Variants in LRSAM1 observed in about 807,000 individuals in gnomAD.
LRSAM1 encodes leucine rich repeat and sterile alpha motif containing 1, also known as E3 ubiquitin-protein ligase LRSAM1.
Under a neutral mutation model 118.1 loss-of-function variants are expected in LRSAM1, and 96 were observed. That is an observed-to-expected ratio of 0.81 (90% confidence interval 0.69 to 0.96). LRSAM1 has a LOEUF of 0.96. LRSAM1 is among the 40% of genes least tolerant of loss of function. The pLI is 0.00. For synonymous variants in LRSAM1, 322 were observed against 364.2 expected, an observed-to-expected ratio of 0.88 and a Z score of 1.32; for missense variants, 804 against 915.5, an observed-to-expected ratio of 0.88 and a Z score of 1.57.
At position 127,473,895 on chromosome 9, in the gene LRSAM1, C is replaced by A; in HGVS notation, c.714C>A (p.Pro238=). The A allele has an allele frequency of 3.7e-6, 6 of 1,614,236 alleles. No individual in the cohort carries two copies. Among genetic ancestry groups the A allele is most frequent in the Non-Finnish European group, 5.1e-6 (6 of 1,180,048 alleles). ...IENSRDSPDG[P]TDRFSREELE... is the part of the protein sequence containing the mutation. ...ACTCTCGGGACAGCCCTGATGGGCC[C>A]ACGGACAGATTCTCAAGGGAGGAGT... The change falls in exon 11 of 26, where the codon CCC becomes CCA. Residue 238 remains proline (P), a synonymous_variant. Coordinates refer to ENST00000300417, the MANE Select transcript of LRSAM1 (RefSeq NM_001005373.4).
At chr9:127,462,082 T>C (rs1052564153) in intron 8 of LRSAM1, among the ~76,000 whole-genome samples, 170 bp from the exon 9 acceptor site, 5 of 152,190 alleles carry the variant, frequency 3.3e-5, no homozygotes, top group African/African-American at 9.6e-5. Context: ...TGGCTAGTAA[T>C]TGGTGGAGTG....
Position 127,501,090 on chromosome 9 carries a change from C to G in LRSAM1, c.1993C>G (p.Pro665Ala), listed in dbSNP as rs749204843. The change falls in exon 25 of 26, where the codon CCT becomes GCT. Residue 665 changes from proline to alanine, a missense_variant. Pro to Ala is a conservative substitution (Grantham distance 27, BLOSUM62 -1). Transcript: ENST00000300417. The stretch of plus-strand genomic sequence containing the variant: ...TGAGTCTGTGAGGCCATCCGCTCCC[C>G]CTGCAGAGCTGGAGGTGCAGGCCTC... Reference protein sequence around the residue: ...PPESVRPSAPPAELEVQASEC... With the variant: ...PPESVRPSAPAAELEVQASEC... 5.6e-6 allele frequency: 9 copies of G among 1,613,878 alleles called. No individual in the cohort carries two copies. The Admixed American group carries it at 1.3e-4, about 24-fold the overall frequency.
At chr9:127,474,792 G>A (rs1281869354) in intron 11 of LRSAM1, among the ~76,000 whole-genome samples, 1 of 152,114 alleles carries the variant, frequency 6.6e-6, no homozygotes, top group Admixed American at 6.6e-5. Flanking sequence ...AGGTCCTGGC[G>A]ACAAGCTAGC....
Position 127,479,396 on chromosome 9 carries a change from T to C in LRSAM1, c.794T>C (p.Leu265Pro). ...DYEKRKEQKM[L>P]EKLEFERRLE... ...TGTGTCTTGCAGGAACAGAAGATGC[T>C]GGAGAAACTCGAGTTTGAACGGCGC... Residue 265 changes from leucine to proline, a missense_variant, in exon 13 of 26, where the codon CTG becomes CCG. Physicochemically the swap from Leu to Pro is moderately conservative, Grantham distance 98. Coordinates refer to ENST00000300417, the MANE Select transcript of LRSAM1 (RefSeq NM_001005373.4). 1 of 1,614,174 alleles carries C rather than the reference T, an allele frequency of 6.2e-7. No homozygotes were observed. The highest frequency in any genetic ancestry group is 8.5e-7 in the Non-Finnish European group (1 of 1,180,018).
chr9:127,499,424 T>C (rs1836284404), intron 24 of LRSAM1, among the ~76,000 whole-genome samples: 1 of 150,490 alleles, frequency 6.6e-6, no homozygotes, highest in Non-Finnish European at 1.5e-5. Context: ...CCAGCTACTC[T>C]GGAGGCTGAG....
At chr9:127,478,128 T>A (rs138440517) in intron 11 of LRSAM1, among the ~76,000 whole-genome samples, 6 of 152,226 alleles carry the variant, frequency 3.9e-5, no homozygotes, top group Middle Eastern at 3.4e-3. Context: ...AATAATAAAT[T>A]AATTAATTAA....
chr9:127,495,623 T>C (rs1388913121), intron 22 of LRSAM1, among the ~76,000 whole-genome samples: 1 of 152,192 alleles, frequency 6.6e-6, no homozygotes, highest in Non-Finnish European at 1.5e-5. Context: ...CACTGGTCAC[T>C]GCTGTGCAGG....
chr9:127,458,460 A>C (rs1311640920), intron 6 of LRSAM1, among the ~76,000 whole-genome samples: 1 of 151,984 alleles, frequency 6.6e-6, no homozygotes, highest in African/African-American at 2.4e-5. Context: ...TGTGCTTGTA[A>C]TCCCAGCTAC....
chr9:127,495,383 C>T lies in LRSAM1; in HGVS notation c.1663C>T (p.Leu555Phe). 1 of 1,614,020 alleles carries T rather than the reference C, an allele frequency of 6.2e-7. No homozygotes were observed. The highest frequency in any genetic ancestry group is 8.5e-7 in the Non-Finnish European group (1 of 1,180,022). Reference sequence around the variant, plus strand: ...TTACTGGCTGATTCAGTATCAACGGCTTTTGAACCAGAAGCCCTTGTCCTT... The same window carrying T: ...TTACTGGCTGATTCAGTATCAACGGTTTTTGAACCAGAAGCCCTTGTCCTT... ...ENYWLIQYQR[L>F]LNQKPLSLKL... The change falls in exon 22 of 26, where the codon CTT becomes TTT. Residue 555 changes from leucine to phenylalanine, a missense_variant. Leu to Phe is a conservative substitution (Grantham distance 22). Transcript: ENST00000300417.
At chr9:127,502,040 G>C (rs974849582) in intron 25 of LRSAM1, among the ~76,000 whole-genome samples, 1 of 152,244 alleles carries the variant, frequency 6.6e-6, no homozygotes, top group African/African-American at 2.4e-5. Flanking sequence ...TCCTGAGTCA[G>C]TGGCTGCTGC....
At chr9:127,494,218 C>A (rs918354957) in intron 21 of LRSAM1, among the ~76,000 whole-genome samples, 1 of 152,230 alleles carries the variant, frequency 6.6e-6, no homozygotes, top group Non-Finnish European at 1.5e-5. Context: ...GGGCCAACGA[C>A]GGAAGGGAGC....
At position 127,489,645 on chromosome 9, in the gene LRSAM1, G is replaced by T. The variant is rs147744543; in HGVS notation, c.1422+127G>T. 122 of 1,064,396 alleles carry T rather than the reference G, an allele frequency of 1.1e-4. No homozygotes were observed. The African/African-American group carries it at 1.6e-3, about 14-fold the overall frequency. The allele number at this position is 1,064,396 out of a possible 1,614,324, so 65.9% of individuals were successfully genotyped here. A position where few individuals can be genotyped will look rare whatever the true frequency, so the allele number is the denominator to read the frequency against. On this transcript the variant is annotated intron_variant, in intron 19 of 25. Transcript: ENST00000300417. ...CCTTGGCTTGCTAGCCCAACAAGAGGTCGAGGCCTTGCCCTCAGAACCTCC... is the reference window on the plus strand; with the variant it reads ...CCTTGGCTTGCTAGCCCAACAAGAGTTCGAGGCCTTGCCCTCAGAACCTCC...
chr9:127,457,800 A>AG (rs1228033676), intron 6 of LRSAM1, among the ~76,000 whole-genome samples: 2 of 152,182 alleles, frequency 1.3e-5, no homozygotes, highest in African/African-American at 4.8e-5. Flanking sequence ...GTGTGAGCCC[A>AG]GGGTTGTTAT....
intron 7 of LRSAM1, among the ~76,000 whole-genome samples, chr9:127,460,847 CTTTTTTTTTTTTTTTT>C (rs58140930): frequency 5.2e-5 from 4 of 77,428 alleles, no homozygotes; most frequent in Non-Finnish European, 9.5e-5. Flanking sequence ...CTGTTTCTTT[CTTTTTTTTTTTTTTTT>C]TTTTTTTTTT....
At chr9:127,452,309 G>A (rs1235747597) in intron 2 of LRSAM1, 1 of 151,460 alleles carries the variant, frequency 6.6e-6, no homozygotes, top group African/African-American at 2.4e-5. Flanking sequence ...GGTAAGTGCT[G>A]GTCATCAGGG....
At chr9:127,460,561 G>A in intron 7 of LRSAM1, among the ~76,000 whole-genome samples, 1 of 152,194 alleles carries the variant, frequency 6.6e-6, no homozygotes, top group East Asian at 1.9e-4. Context: ...TGATGGTGGG[G>A]CAGTTACTGA....
chr9:127,496,555 C>T (rs763654096), intron 23 of LRSAM1, among the ~76,000 whole-genome samples: 24 of 152,330 alleles, frequency 1.6e-4, no homozygotes, highest in Admixed American at 5.2e-4. Flanking sequence ...CCTGCACGTG[C>T]GGGGCACCAT....
chr9:127,500,700 G>T (rs967775962), intron 24 of LRSAM1, among the ~76,000 whole-genome samples: 1 of 152,246 alleles, frequency 6.6e-6, no homozygotes, highest in Admixed American at 6.5e-5. Flanking sequence ...CTCTGAAAGT[G>T]CCAAGCCCTA....
intron 11 of LRSAM1, among the ~76,000 whole-genome samples, chr9:127,478,429 T>C (rs1325532113): frequency 1.3e-5 from 2 of 152,244 alleles, no homozygotes; most frequent in African/African-American, 4.8e-5. Context: ...GGTTGTGTAA[T>C]AGTCCACTGT....
Sources: allele counts gnomAD v4.1 joint callset (sites outside exome capture counted in the v4.1 genomes callset), GRCh38; gene constraint gnomAD v4.1.1; transcripts MANE v1.5; gene names NCBI Gene and HGNC (gene_info 2026-07-23, HGNC 2026-07-21).